NADK: variants seen among roughly 807,000 people sequenced by gnomAD.
The protein encoded by NADK is poly(P)/ATP NAD kinase.
Under a neutral mutation model 49.8 loss-of-function variants are expected in NADK, and 22 were observed. That is an observed-to-expected ratio of 0.44 (90% CI 0.32 to 0.63). NADK has a LOEUF of 0.63. NADK is among the 30% of genes least tolerant of loss of function. NADK has a pLI of 0.06. For missense variants in NADK, 438 were observed against 609.4 expected (o/e 0.72, Z 2.96); for synonymous variants, 268 against 253.7 (o/e 1.06, Z -0.54).
At chr1:1,758,994 G>T in intron 3 of NADK, 3 of 1,367,754 alleles carry the variant, frequency 2.2e-6, no homozygotes, top group Non-Finnish European at 1.9e-6. Context: ...CTTGGCTCCG[G>T]CCCAAGGGCG....
intron 3 of NADK, chr1:1,759,699 G>C: frequency 6.5e-7 from 1 of 1,544,222 alleles, no homozygotes; most frequent in Non-Finnish European, 8.7e-7. Flanking sequence ...TGCCGAGAAA[G>C]CTGCATGCCC....
intron 1 of NADK, among the ~76,000 whole-genome samples, chr1:1,771,005 A>C (rs959514349): frequency 2.0e-4 from 29 of 147,938 alleles, no homozygotes; most frequent in Admixed American, 3.4e-4. Flanking sequence ...CCGAGATTGC[A>C]CTGCAGCCTT....
chr1:1,754,699 C>G lies in NADK; in HGVS notation c.689-1G>C, dbSNP rs751105080. 2 of 1,610,916 alleles carry G rather than the reference C, an allele frequency of 1.2e-6. No homozygotes were observed. Among genetic ancestry groups the G allele is most frequent in the Non-Finnish European group, 1.7e-6 (2 of 1,178,412 alleles). On this transcript the variant is annotated splice_acceptor_variant, in intron 7 of 11. Coordinates refer to ENST00000341426, the MANE Select transcript of NADK (RefSeq NM_023018.5). LOFTEE classifies it high-confidence loss of function. The surrounding 1 kb of genome is among the most constrained non-coding windows in gnomAD (Gnocchi z 4.3). ...CTCCGGAGAACAACAGCTGCGTTCC[C>G]TGAGGTCCAGCAGGAGTCAGAGGGC...
chr1:1,773,711 T>TGAGA (rs769092801), intron 1 of NADK, among the ~76,000 whole-genome samples: 12,798 of 112,778 alleles, frequency 0.11, 1,120 homozygotes, highest in Non-Finnish European at 0.18. Flanking sequence ...TGTGTGTGTG[T>TGAGA]GTGTGTGTGT....
intron 3 of NADK, chr1:1,759,715 G>A (rs1645654248): frequency 6.5e-7 from 1 of 1,550,060 alleles, no homozygotes; most frequent in African/African-American, 1.4e-5. Context: ...TGCCCCTCAA[G>A]GCTGCCCCAC....
At chr1:1,774,873 C>G (rs1029881993) in intron 1 of NADK, among the ~76,000 whole-genome samples, 1 of 151,970 alleles carries the variant, frequency 6.6e-6, no homozygotes, top group Non-Finnish European at 1.5e-5. Flanking sequence ...TTTGGGAGGC[C>G]GAGGCGGGCA....
chr1:1,759,191 A>G, intron 3 of NADK: 5 of 1,570,612 alleles, frequency 3.2e-6, no homozygotes, highest in Non-Finnish European at 3.5e-6. Context: ...CGGCCCAGGC[A>G]CCCACCGCTG....
intron 3 of NADK, among the ~76,000 whole-genome samples, chr1:1,761,182 G>A (rs1024838925): frequency 1.3e-5 from 2 of 152,170 alleles, no homozygotes; most frequent in Non-Finnish European, 2.9e-5. Flanking sequence ...TAGTAGAGAT[G>A]GGGTTTCACC....
chr1:1,759,019 G>A (rs957296371), intron 3 of NADK: 64 of 1,422,544 alleles, frequency 4.5e-5, no homozygotes, highest in South Asian at 2.4e-4. Flanking sequence ...GGTGGCTCAC[G>A]GTCCTCCGGC....
At chr1:1,763,743 C>T (rs556410329) in intron 2 of NADK, among the ~76,000 whole-genome samples, 2 of 152,062 alleles carry the variant, frequency 1.3e-5, no homozygotes, top group South Asian at 4.2e-4. Context: ...TTTAATGTTT[C>T]CTTCCCAAGG....
chr1:1,755,365 C>A lies in NADK; in HGVS notation c.688+9G>T, dbSNP rs773801753. 12 of 1,605,412 alleles carry A rather than the reference C, an allele frequency of 7.5e-6. No individual in the cohort carries two copies. The South Asian group carries it at 1.3e-4, about 18-fold the overall frequency. On this transcript the variant is annotated intron_variant, in intron 7 of 11. Transcript: ENST00000341426. ...GAGCTCCTGTGGGCTCCAGAACATT[C>A]CAACTCACCCTCTATCACCTGAGTA...
intron 2 of NADK, among the ~76,000 whole-genome samples, chr1:1,762,254 G>A (rs373662732): frequency 3.9e-5 from 6 of 152,316 alleles, no homozygotes; most frequent in Non-Finnish European, 4.4e-5. Context: ...CCCACGCGCC[G>A]CTCAGATCAT....
intron 1 of NADK, among the ~76,000 whole-genome samples, chr1:1,776,422 G>C (rs1221530672): frequency 6.6e-6 from 1 of 151,890 alleles, no homozygotes; most frequent in Admixed American, 6.6e-5. Context: ...ACAGCAGGCT[G>C]CCAACTGAAA....
intron 1 of NADK, among the ~76,000 whole-genome samples, chr1:1,768,367 G>GT (rs1645948407): frequency 1.3e-5 from 2 of 152,010 alleles, no homozygotes; most frequent in African/African-American, 4.8e-5. Context: ...GCAGGATTCT[G>GT]TCTCTACAAA....
At chr1:1,758,536 A>G in intron 3 of NADK, 1 of 1,605,050 alleles carries the variant, frequency 6.2e-7, no homozygotes, top group Non-Finnish European at 8.5e-7. Flanking sequence ...CCCCATCGGT[A>G]TGGTCCTGAC....
Position 1,775,651 on chromosome 1 carries a change from C to A in NADK, c.-41+2638G>T, listed in dbSNP as rs1252442542. Among the ~76,000 whole-genome samples, 8 of 152,224 alleles carry A rather than the reference C, an allele frequency of 5.3e-5. No individual in the cohort carries two copies. The East Asian group carries it at 1.5e-3, about 29-fold the overall frequency. ...GAAGAAAACAGGGGTCTGGGCAGTT[C>A]TGAATGGGAAGGCCAGGCATCACCT... On this transcript the variant is annotated intron_variant, in intron 1 of 11. Coordinates refer to ENST00000341426, the MANE Select transcript of NADK (RefSeq NM_023018.5).
intron 1 of NADK, among the ~76,000 whole-genome samples, chr1:1,775,145 T>G (rs1226450203): frequency 6.6e-6 from 1 of 152,018 alleles, no homozygotes; most frequent in Non-Finnish European, 1.5e-5. Context: ...TAGGAAGTTT[T>G]ATTAGAAAAA....
intron 3 of NADK, chr1:1,760,015 G>T: frequency 8.9e-7 from 1 of 1,126,892 alleles, no homozygotes; most frequent in East Asian, 2.6e-5. Context: ...GCGGGGCCGG[G>T]AGGGCAGTGG....
intron 3 of NADK, among the ~76,000 whole-genome samples, chr1:1,761,148 A>G (rs1645711292): frequency 6.6e-6 from 1 of 152,178 alleles, no homozygotes; most frequent in Non-Finnish European, 1.5e-5. Flanking sequence ...ACGCGCCACC[A>G]TGCTTGGCTA....
Sources: gnomAD v4.1 joint callset for allele counts (sites outside exome capture counted in the v4.1 genomes callset) on GRCh38, gnomAD v4.1.1 for gene constraint, Gnocchi (gnomAD v3.1) non-coding constraint, MANE v1.5 for transcripts, NCBI Gene and HGNC (gene_info 2026-07-23, HGNC 2026-07-21) for gene names.